MYO9A: variants seen among roughly 807,000 people sequenced by gnomAD.
MYO9A encodes the protein myosin IXA, also known as unconventional myosin-IXa.
Under a neutral mutation model 293.3 loss-of-function variants are expected in MYO9A, and 103 were observed. That is an observed-to-expected ratio of 0.35 (90% CI 0.30 to 0.41). The LOEUF is 0.41. Among genes scored for constraint, MYO9A ranks in the 10% least tolerant of loss-of-function variants. The pLI, the probability that MYO9A is intolerant of heterozygous loss-of-function variation, is 1.00. For synonymous variants in MYO9A, 1,001 were observed against 1,035.7 expected, an observed-to-expected ratio of 0.97 and a Z score of 0.64; for missense variants, 2,685 against 3,033.0, an observed-to-expected ratio of 0.89 and a Z score of 2.69.
intron 34 of MYO9A, among the ~76,000 whole-genome samples, chr15:71,855,500 C>T (rs1438316408): frequency 6.6e-6 from 1 of 152,148 alleles, no homozygotes; most frequent in East Asian, 1.9e-4. Flanking sequence ...TAACAGCTTA[C>T]CCTTAAGATT....
chr15:72,103,575 T>TGGAAGCAGAAGCAGC (rs2080464730), intron 1 of MYO9A, among the ~76,000 whole-genome samples: 1 of 146,626 alleles, frequency 6.8e-6, no homozygotes. Flanking sequence ...GCAGAAGCAG[T>TGGAAGCAGAAGCAGC]GGAAGCAGAA....
chr15:72,117,433 G>A (rs527519192), intron 1 of MYO9A, among the ~76,000 whole-genome samples: 27 of 152,278 alleles, frequency 1.8e-4, no homozygotes, highest in African/African-American at 6.0e-4. Context: ...CTGGGTTGGG[G>A]GGACCGTGAC....
chr15:71,830,607 T>C (rs1310996724), intron 39 of MYO9A, among the ~76,000 whole-genome samples: 1 of 152,202 alleles, frequency 6.6e-6, no homozygotes, highest in African/African-American at 2.4e-5. Flanking sequence ...CCAAACAAAA[T>C]AGCCACATCT....
chr15:71,853,991 A>C (rs1226968219), intron 35 of MYO9A, among the ~76,000 whole-genome samples: 1 of 152,222 alleles, frequency 6.6e-6, no homozygotes, highest in East Asian at 1.9e-4. Flanking sequence ...GGATAATAAT[A>C]TCCCTAATTC....
chr15:71,843,639 C>T (rs1023948349), intron 39 of MYO9A, among the ~76,000 whole-genome samples: 4 of 152,122 alleles, frequency 2.6e-5, no homozygotes, highest in African/African-American at 2.4e-5. Context: ...TAGGCAAACA[C>T]CACTACATCT....
chr15:72,011,043 C>T (rs989445451), intron 6 of MYO9A, among the ~76,000 whole-genome samples: 3 of 151,422 alleles, frequency 2.0e-5, no homozygotes, highest in African/African-American at 7.3e-5. Context: ...GGGTCTCATT[C>T]CTGTTGCTCA....
intron 31 of MYO9A, among the ~76,000 whole-genome samples, chr15:71,876,899 A>C (rs2056711736): frequency 1.3e-5 from 2 of 152,192 alleles, no homozygotes; most frequent in African/African-American, 4.8e-5. Context: ...CAACCTTTTA[A>C]ACTTAAAAAC....
chr15:71,959,719 G>A (rs938357583), intron 14 of MYO9A, 182 bp downstream of exon 14: 3 of 598,544 alleles, frequency 5.0e-6, no homozygotes, highest in African/African-American at 3.7e-5. Context: ...CTCTTTTACA[G>A]AAAAGAAAAA....
chr15:72,086,924 A>C (rs2079755424), intron 1 of MYO9A, among the ~76,000 whole-genome samples: 1 of 151,846 alleles, frequency 6.6e-6, no homozygotes, highest in Non-Finnish European at 1.5e-5. Flanking sequence ...TGCACCACAC[A>C]CCCAGCTAAT....
intron 17 of MYO9A, 92 bp downstream of exon 17, chr15:71,935,249 C>A: frequency 7.7e-7 from 1 of 1,300,376 alleles, no homozygotes. Context: ...AACATTTCAC[C>A]ATCTTCCTTC....
intron 1 of MYO9A, among the ~76,000 whole-genome samples, chr15:72,064,985 C>T (rs1200846522): frequency 6.6e-6 from 1 of 152,150 alleles, no homozygotes; most frequent in African/African-American, 2.4e-5. Flanking sequence ...AAGTATAGTA[C>T]TTGGTACAAG....
rs1367152460 is a variant in MYO9A, at chr15:71,978,153, G to GAA, written c.1844+16_1844+17dup. On this transcript the variant is annotated intron_variant, in intron 12 of 41. Coordinates refer to ENST00000356056, the MANE Select transcript of MYO9A (RefSeq NM_006901.4). ...AGCCAAAACAGCCAATAACAAAATT[G>GAA]AAAAGAATCACACTCACTTGCTTTC... 1 of 1,608,192 alleles carries GAA rather than the reference G, an allele frequency of 6.2e-7. No individual in the cohort carries two copies. The highest frequency in any genetic ancestry group is 1.1e-5 in the South Asian group (1 of 88,794).
At chr15:71,991,001 G>C (rs2076530090) in intron 11 of MYO9A, 102 bp downstream of exon 11, 2 of 1,142,638 alleles carry the variant, frequency 1.8e-6, no homozygotes, top group Non-Finnish European at 1.2e-6. Context: ...AAAACACTAT[G>C]TAAATCAATA....
At position 71,840,669 on chromosome 15, in the gene MYO9A, G is replaced by A. The variant is rs187008842; in HGVS notation, c.6837+8176C>T. Among the ~76,000 whole-genome samples, 347 of 151,878 alleles carry A rather than the reference G, an allele frequency of 2.3e-3. 1 individual carries two copies. The highest frequency in any genetic ancestry group is 3.4e-3 in the Non-Finnish European group (234 of 67,948). Reference sequence around the variant, plus strand: ...TTTTGAGACGGAGTCTTGCTCTGTCGCCCAGGCTGGAGTGCAGTGGCGCGA... The same window carrying A: ...TTTTGAGACGGAGTCTTGCTCTGTCACCCAGGCTGGAGTGCAGTGGCGCGA... On this transcript the variant is annotated intron_variant, in intron 39 of 41. Transcript: ENST00000356056.
In MYO9A at chr15:71,899,857, T is replaced by C. The variant is rs1480975969; in HGVS notation, c.3300A>G (p.Ala1100=). Residue 1100 remains alanine (A), a synonymous_variant, in exon 24 of 42, where the codon GCA becomes GCG. Coordinates refer to ENST00000356056, the MANE Select transcript of MYO9A (RefSeq NM_006901.4). Reference sequence around the variant, plus strand: ...TCCATTTCTGCTGGATAACGATGGCTGCAGCCCGTAACTCCAAGTACCGCT... The same window carrying C: ...TCCATTTCTGCTGGATAACGATGGCCGCAGCCCGTAACTCCAAGTACCGCT... The part of the protein sequence containing the change: ...ERQRYLELRA[A]AIVIQQKWRD... 6.2e-7 allele frequency: 1 copy of C among 1,614,168 alleles called. No individual in the cohort carries two copies. The highest frequency in any genetic ancestry group is 1.7e-5 in the Admixed American group (1 of 60,004).
chr15:71,861,698 A>C (rs963292322), intron 33 of MYO9A, among the ~76,000 whole-genome samples: 470 of 149,260 alleles, frequency 3.1e-3, no homozygotes, highest in Admixed American at 7.0e-3. Context: ...AAAAAAAAAA[A>C]AAACAAATAA....
chr15:72,108,816 G>A (rs2080669378), intron 1 of MYO9A, among the ~76,000 whole-genome samples: 1 of 150,486 alleles, frequency 6.6e-6, no homozygotes, highest in African/African-American at 2.4e-5. Context: ...AGGCTGGAGG[G>A]CAATGGTGCA....
At chr15:71,972,362 G>GT (rs2076033880) in intron 12 of MYO9A, 1 of 147,790 alleles carries the variant, frequency 6.8e-6, no homozygotes, top group Non-Finnish European at 1.5e-5. Flanking sequence ...GTAAATGTAA[G>GT]TAAGTGTTTC....
At chr15:71,911,550 T>C (rs963506097) in intron 19 of MYO9A, among the ~76,000 whole-genome samples, 25 of 152,196 alleles carry the variant, frequency 1.6e-4, no homozygotes, top group African/African-American at 6.0e-4. Flanking sequence ...TGGAGAGGAG[T>C]AGCAGCTTTA....
Sources: allele counts gnomAD v4.1 joint callset (sites outside exome capture counted in the v4.1 genomes callset), GRCh38; gene constraint gnomAD v4.1.1; transcripts MANE v1.5; gene names NCBI Gene and HGNC (gene_info 2026-07-23, HGNC 2026-07-21).